The following NRXN3 variants were observed in gnomAD, a reference collection of about 807,000 sequenced individuals.
NRXN3 encodes neurexin 3, also known as neurexin III.
In NRXN3, 32 loss-of-function variants were observed where a neutral mutation model predicts 137.6. The ratio of observed to expected loss-of-function variants is 0.23; its 90% CI spans 0.18 to 0.31. NRXN3 has a LOEUF of 0.31. Among genes scored for constraint, NRXN3 ranks in the 10% least tolerant of loss-of-function variants. The probability of loss-of-function intolerance (pLI) is 1.00; values close to 1 mark genes in which losing one functional copy is unlikely to be tolerated. For missense variants in NRXN3, 1,574 were observed against 2,062.5 expected, an observed-to-expected ratio of 0.76 and a Z score of 4.59; for synonymous variants, 798 against 784.5, an observed-to-expected ratio of 1.02 and a Z score of -0.29.
intron 9 of NRXN3, among the ~76,000 whole-genome samples, chr14:78,808,907 A>G (rs1596067646): frequency 6.6e-6 from 1 of 152,228 alleles, no homozygotes; most frequent in Non-Finnish European, 1.5e-5. Context: ...CCTTAAGCAG[A>G]AGAAGAGTAC....
chr14:79,713,109 T>C (rs1471042998), intron 19 of NRXN3, among the ~76,000 whole-genome samples: 5 of 151,994 alleles, frequency 3.3e-5, no homozygotes, highest in Non-Finnish European at 5.9e-5. Flanking sequence ...CATCCAATGT[T>C]GCAGCTGTTG....
chr14:79,706,450 G>GA (rs1231689814), intron 19 of NRXN3, among the ~76,000 whole-genome samples: 3 of 135,572 alleles, frequency 2.2e-5, no homozygotes, highest in African/African-American at 8.3e-5. Context: ...GGTCTGTTGA[G>GA]AAAAGGGCTT....
At chr14:78,346,919 G>A (rs546838626) in intron 4 of NRXN3, among the ~76,000 whole-genome samples, 3 of 152,316 alleles carry the variant, frequency 2.0e-5, no homozygotes, top group Admixed American at 6.5e-5. Flanking sequence ...TTACGTGCAG[G>A]GAAGGAATGA....
chr14:79,739,380 C>T (rs2098952767), intron 19 of NRXN3, among the ~76,000 whole-genome samples: 1 of 152,106 alleles, frequency 6.6e-6, no homozygotes, highest in South Asian at 2.1e-4. Context: ...CATGGTGGCT[C>T]ACGCCTGTAA....
At chr14:78,618,052 C>A (rs2097363922) in intron 4 of NRXN3, among the ~76,000 whole-genome samples, 1 of 151,878 alleles carries the variant, frequency 6.6e-6, no homozygotes, top group African/African-American at 2.4e-5. Flanking sequence ...CTCCATACCC[C>A]CATCTTCTCT....
At chr14:79,127,028 T>C (rs2056626935) in intron 15 of NRXN3, among the ~76,000 whole-genome samples, 1 of 152,286 alleles carries the variant, frequency 6.6e-6, no homozygotes, top group Middle Eastern at 3.4e-3. Context: ...GATTGTTTGT[T>C]TTTTTCTTGT....
At chr14:79,539,484 CAGGGCAATGTCTAT>C (rs1248590101) in intron 16 of NRXN3, among the ~76,000 whole-genome samples, 1 of 152,216 alleles carries the variant, frequency 6.6e-6, no homozygotes, top group Non-Finnish European at 1.5e-5. Context: ...CCTTCCAGGA[CAGGGCAATGTCTAT>C]ATAAATAGAT....
chr14:79,284,416 G>A lies in NRXN3; in HGVS notation c.3263-182805G>A, dbSNP rs557192275. On this transcript the variant is annotated intron_variant, in intron 15 of 20. Coordinates refer to ENST00000335750, the MANE Select transcript of NRXN3 (RefSeq NM_001330195.2). ...TCCAATGTACATCTGCCTAAAAAAT[G>A]CTTCAGTATTTATAGTTTAAATGCA... is the stretch of plus-strand genomic sequence containing the variant. Among the ~76,000 whole-genome samples, 275 of 129,518 alleles carry A rather than the reference G, an allele frequency of 2.1e-3. 1 individual carries two copies. Among genetic ancestry groups the A allele is most frequent in the African/African-American group, 7.2e-3 (255 of 35,538 alleles). 85.0% of individuals were successfully genotyped at this position (129,518 alleles called of 152,430 possible).
At chr14:79,464,446 A>G (rs1459793267) in intron 15 of NRXN3, among the ~76,000 whole-genome samples, 1 of 152,062 alleles carries the variant, frequency 6.6e-6, no homozygotes, top group East Asian at 1.9e-4. Flanking sequence ...TGACTTTCTA[A>G]CCATATATAA....
At chr14:79,660,836 G>C (rs1306334030) in intron 16 of NRXN3, among the ~76,000 whole-genome samples, 3 of 152,106 alleles carry the variant, frequency 2.0e-5, no homozygotes, top group Non-Finnish European at 4.4e-5. Context: ...CATTTGTGGG[G>C]TGGGCAGAGG....
intron 17 of NRXN3, among the ~76,000 whole-genome samples, chr14:79,683,449 C>A (rs1254600243): frequency 6.6e-6 from 1 of 152,122 alleles, no homozygotes; most frequent in African/African-American, 2.4e-5. Context: ...ATCTTCATTT[C>A]CCTAAAGCAG....
At chr14:78,649,201 GT>G in intron 5 of NRXN3, 3 of 1,186,142 alleles carry the variant, frequency 2.5e-6, no homozygotes, top group Non-Finnish European at 3.4e-6. Context: ...TTTGTTTTTA[GT>G]TTTTTTAATT....
chr14:78,295,204 G>A (rs968324626), intron 3 of NRXN3, among the ~76,000 whole-genome samples: 25 of 152,148 alleles, frequency 1.6e-4, no homozygotes, highest in African/African-American at 5.3e-4. Flanking sequence ...AAAACAAACC[G>A]TATTATGGTT....
At chr14:79,798,563 T>C (rs2099167712) in intron 19 of NRXN3, among the ~76,000 whole-genome samples, 1 of 152,218 alleles carries the variant, frequency 6.6e-6, no homozygotes, top group Non-Finnish European at 1.5e-5. Flanking sequence ...TTCTTGAGTG[T>C]GTTATTTATA....
intron 16 of NRXN3, among the ~76,000 whole-genome samples, chr14:79,580,005 A>T (rs1413925056): frequency 2.0e-5 from 3 of 152,158 alleles, no homozygotes; most frequent in African/African-American, 7.2e-5. Flanking sequence ...TCATGAGATA[A>T]ACATTTTTAG....
intron 16 of NRXN3, among the ~76,000 whole-genome samples, chr14:79,534,226 C>T (rs545213745): frequency 6.6e-6 from 1 of 152,256 alleles, no homozygotes; most frequent in East Asian, 1.9e-4. Context: ...GCATGAATGT[C>T]TATTGGTATA....
intron 15 of NRXN3, among the ~76,000 whole-genome samples, chr14:79,428,351 AT>A (rs2095690363): frequency 1.3e-5 from 2 of 151,974 alleles, no homozygotes; most frequent in African/African-American, 2.4e-5. Flanking sequence ...AATTAAAAAA[AT>A]AATATTATCT....
At chr14:79,329,229 G>A (rs964215981) in intron 15 of NRXN3, among the ~76,000 whole-genome samples, 1 of 152,108 alleles carries the variant, frequency 6.6e-6, no homozygotes, top group Non-Finnish European at 1.5e-5. Flanking sequence ...CTACTCCCGG[G>A]GTATTGTGAG....
At chr14:79,566,830 A>T (rs2097555126) in intron 16 of NRXN3, among the ~76,000 whole-genome samples, 1 of 152,162 alleles carries the variant, frequency 6.6e-6, no homozygotes, top group African/African-American at 2.4e-5. Flanking sequence ...AATGTCTGAT[A>T]AGTTAGTTAT....
Sources: gnomAD v4.1 joint callset for allele counts (sites outside exome capture counted in the v4.1 genomes callset) on GRCh38, gnomAD v4.1.1 for gene constraint, MANE v1.5 for transcripts, NCBI Gene and HGNC (gene_info 2026-07-23, HGNC 2026-07-21) for gene names.